Variants in TTC28 observed in about 807,000 individuals in gnomAD.
The protein encoded by TTC28 is tetratricopeptide repeat domain 28.
In TTC28, 61 loss-of-function variants were observed where a neutral mutation model predicts 198.0. The ratio of observed to expected loss-of-function variants is 0.31; its 90% CI spans 0.25 to 0.38. The LOEUF (loss-of-function observed/expected upper bound fraction) is 0.38. Ranked by LOEUF, TTC28 falls within the 10% of genes least tolerant of loss-of-function variation. The pLI, the probability that TTC28 is intolerant of heterozygous loss-of-function variation, is 1.00. For missense variants in TTC28, 2,678 were observed against 3,164.0 expected (o/e 0.85, Z 3.69); for synonymous variants, 1,171 against 1,297.8 (o/e 0.90, Z 2.10).
chr22:28,337,517 G>C (rs1423077487), intron 2 of TTC28, among the ~76,000 whole-genome samples: 1 of 152,068 alleles, frequency 6.6e-6, no homozygotes, highest in South Asian at 2.1e-4. Flanking sequence ...TATGAATCTG[G>C]GAGCTTCTGT....
chr22:28,232,274 C>A (rs2147231181), intron 5 of TTC28, among the ~76,000 whole-genome samples: 1 of 152,224 alleles, frequency 6.6e-6, no homozygotes, highest in Non-Finnish European at 1.5e-5. Flanking sequence ...GAGCTCCAAC[C>A]AATCAGATTA....
intron 5 of TTC28, among the ~76,000 whole-genome samples, chr22:28,290,803 T>G (rs1026205878): frequency 6.6e-6 from 1 of 151,970 alleles, no homozygotes; most frequent in Non-Finnish European, 1.5e-5. Flanking sequence ...TCTCAGCTAC[T>G]TGGGAGGCTG....
chr22:28,669,563 T>C (rs368016214), intron 1 of TTC28, among the ~76,000 whole-genome samples: 2 of 152,174 alleles, frequency 1.3e-5, no homozygotes, highest in Admixed American at 6.6e-5. Flanking sequence ...AGAGAACTGG[T>C]CAAAGGGAAG....
chr22:28,159,658 C>CAAAA (rs135652), intron 6 of TTC28, among the ~76,000 whole-genome samples: 2 of 70,092 alleles, frequency 2.9e-5, no homozygotes, highest in African/African-American at 5.6e-5. Context: ...GACTCTGTCT[C>CAAAA]AAAAAAAAAA....
At chr22:28,406,412 C>T (rs936166084) in intron 2 of TTC28, among the ~76,000 whole-genome samples, 13 of 152,242 alleles carry the variant, frequency 8.5e-5, no homozygotes, top group African/African-American at 2.9e-4. Context: ...TGACTTAACA[C>T]GGCAAATGTT....
At chr22:28,023,336 T>G (rs1938688545) in intron 13 of TTC28, among the ~76,000 whole-genome samples, 1 of 152,250 alleles carries the variant, frequency 6.6e-6, no homozygotes, top group African/African-American at 2.4e-5. Flanking sequence ...AGCCTGGAGA[T>G]GCTCACCTTA....
chr22:28,470,340 T>C (rs1046506356), intron 2 of TTC28, among the ~76,000 whole-genome samples: 1 of 152,218 alleles, frequency 6.6e-6, no homozygotes, highest in Non-Finnish European at 1.5e-5. Context: ...CATCTTGCTA[T>C]TGGGTTCCAT....
chr22:27,995,374 G>C (rs1373098983), intron 17 of TTC28, among the ~76,000 whole-genome samples: 2 of 152,238 alleles, frequency 1.3e-5, no homozygotes, highest in East Asian at 3.9e-4. Flanking sequence ...GGAAGATGTG[G>C]GGTGGGCCAG....
chr22:28,559,394 ATAGTTTT>A (rs2049835585), intron 2 of TTC28, among the ~76,000 whole-genome samples: 1 of 152,202 alleles, frequency 6.6e-6, no homozygotes, highest in Admixed American at 6.5e-5. Context: ...TTCGAGTACT[ATAGTTTT>A]TAAAGTTCAA....
At chr22:28,388,797 T>G (rs1227438311) in intron 2 of TTC28, among the ~76,000 whole-genome samples, 7 of 152,150 alleles carry the variant, frequency 4.6e-5, no homozygotes, top group African/African-American at 1.7e-4. Flanking sequence ...ACAGGGACAA[T>G]TTGACTTCCT....
chr22:28,106,253 C>G (rs1179765280), intron 7 of TTC28, among the ~76,000 whole-genome samples: 1 of 152,164 alleles, frequency 6.6e-6, no homozygotes, highest in Non-Finnish European at 1.5e-5. Flanking sequence ...ACTCCAGGAG[C>G]CCTAATCCCC....
chr22:28,487,969 A>G (rs1479326213), intron 2 of TTC28, among the ~76,000 whole-genome samples: 1 of 152,190 alleles, frequency 6.6e-6, no homozygotes, highest in African/African-American at 2.4e-5. Flanking sequence ...GCCTTGAAAC[A>G]TACTTTAAAA....
chr22:28,107,418 T>A lies in TTC28; in HGVS notation c.2427A>T (p.Lys809Asn), dbSNP rs915653871. Residue 809 changes from lysine (K) to asparagine (N), a missense_variant, in exon 7 of 23, where the codon AAA becomes AAT. Transcript: ENST00000397906. Reference sequence around the variant, plus strand: ...CATAACACTTGAATGCCATTGTGTATTTCCCAAGGGCCATGTAGACAGCAG... The same window carrying A: ...CATAACACTTGAATGCCATTGTGTAATTCCCAAGGGCCATGTAGACAGCAG... ...HLAAVYMALG[K>N]YTMAFKCYEE... is the part of the protein sequence containing the mutation. 26 of 1,551,808 alleles carry A rather than the reference T, an allele frequency of 1.7e-5. No individual in the cohort carries two copies. Among genetic ancestry groups the A allele is most frequent in the Non-Finnish European group, 2.3e-5 (26 of 1,147,018 alleles).
At chr22:28,411,546 A>G (rs2047081445) in intron 2 of TTC28, among the ~76,000 whole-genome samples, 1 of 152,234 alleles carries the variant, frequency 6.6e-6, no homozygotes, top group Non-Finnish European at 1.5e-5. Context: ...AGATAATACC[A>G]TGTTCCCTGA....
chr22:28,120,945 TA>T (rs2146938613), intron 6 of TTC28, among the ~76,000 whole-genome samples: 1 of 152,350 alleles, frequency 6.6e-6, no homozygotes, highest in Admixed American at 6.5e-5. Context: ...GTGATTCACA[TA>T]TTCTGCTCAT....
intron 13 of TTC28, among the ~76,000 whole-genome samples, chr22:28,025,172 G>A (rs1031325366): frequency 2.0e-5 from 3 of 152,150 alleles, no homozygotes; most frequent in African/African-American, 4.8e-5. Flanking sequence ...GTTTCTTGGT[G>A]GAGATTTGAT....
At chr22:28,477,367 G>T (rs922389379) in intron 2 of TTC28, among the ~76,000 whole-genome samples, 1 of 152,074 alleles carries the variant, frequency 6.6e-6, no homozygotes, top group Non-Finnish European at 1.5e-5. Context: ...TCCTTCCCAT[G>T]ATCCATAAGA....
At chr22:28,583,410 G>A (rs2050260256) in intron 2 of TTC28, among the ~76,000 whole-genome samples, 1 of 152,120 alleles carries the variant, frequency 6.6e-6, no homozygotes, top group South Asian at 2.1e-4. Flanking sequence ...TAAAATGCCG[G>A]ATAAAAAGCA....
chr22:28,416,243 A>T (rs973673992), intron 2 of TTC28, among the ~76,000 whole-genome samples: 1 of 152,160 alleles, frequency 6.6e-6, no homozygotes, highest in African/African-American at 2.4e-5. Flanking sequence ...CTATCACAAT[A>T]TTCTATGGAT....
Sources: allele counts gnomAD v4.1 joint callset (sites outside exome capture counted in the v4.1 genomes callset), GRCh38; gene constraint gnomAD v4.1.1; transcripts MANE v1.5; gene names NCBI Gene and HGNC (gene_info 2026-07-23, HGNC 2026-07-21).